MAGI2: variants seen among roughly 807,000 people sequenced by gnomAD.
The protein encoded by MAGI2 is membrane associated guanylate kinase, WW and PDZ domain containing 2.
Under a neutral mutation model 133.3 loss-of-function variants are expected in MAGI2, and 35 were observed. The ratio of observed to expected loss-of-function variants is 0.26; its 90% CI spans 0.20 to 0.35. MAGI2 has a LOEUF of 0.35. Among genes scored for constraint, MAGI2 ranks in the 10% least tolerant of loss-of-function variants. The pLI is 1.00. For synonymous variants in MAGI2, 729 were observed against 710.6 expected, an observed-to-expected ratio of 1.03 and a Z score of -0.41; for missense variants, 1,636 against 1,863.4, an observed-to-expected ratio of 0.88 and a Z score of 2.25.
At chr7:78,863,345 G>A (rs1004523059) in intron 2 of MAGI2, among the ~76,000 whole-genome samples, 1 of 152,164 alleles carries the variant, frequency 6.6e-6, no homozygotes, top group Admixed American at 6.5e-5. Context: ...TTGTGCATCT[G>A]GTGAAAGCCT....
rs963061165 is a variant in MAGI2, at chr7:78,647,809, T to C, written c.419-20570A>G. The stretch of plus-strand genomic sequence containing the variant: ...GGCCCATATACACCATGGAATACTA[T>C]GCAGCCATAAAAAAGGATGAGTTCA... On this transcript the variant is annotated intron_variant, in intron 2 of 21. Coordinates refer to ENST00000354212, the MANE Select transcript of MAGI2 (RefSeq NM_012301.4). 2.0e-5 allele frequency among the ~76,000 whole-genome samples: 3 copies of C among 152,266 alleles called. No individual in the cohort carries two copies. In the East Asian group the frequency reaches 5.8e-4, roughly 29 times the overall value.
intron 1 of MAGI2, among the ~76,000 whole-genome samples, chr7:79,241,680 C>A (rs1585301777): frequency 6.6e-6 from 1 of 152,172 alleles, no homozygotes; most frequent in Non-Finnish European, 1.5e-5. Context: ...ATGGGAGGTG[C>A]CTTTCATAGC....
At chr7:78,534,771 G>A (rs546485994) in intron 3 of MAGI2, among the ~76,000 whole-genome samples, 25 of 152,258 alleles carry the variant, frequency 1.6e-4, no homozygotes, top group Non-Finnish European at 7.4e-5. Context: ...TTCTGATAGT[G>A]GGGGAGCAAG....
intron 18 of MAGI2, among the ~76,000 whole-genome samples, chr7:78,129,371 T>C (rs1283939514): frequency 6.6e-6 from 1 of 152,178 alleles, no homozygotes; most frequent in African/African-American, 2.4e-5. Flanking sequence ...AAGTGAATAA[T>C]ATACCAGCTA....
At chr7:78,450,032 T>C (rs181053513) in intron 6 of MAGI2, among the ~76,000 whole-genome samples, 2 of 152,218 alleles carry the variant, frequency 1.3e-5, no homozygotes. Flanking sequence ...ATTTGATTCA[T>C]TCAGGACAAT....
intron 1 of MAGI2, among the ~76,000 whole-genome samples, chr7:79,041,840 C>G (rs1339510149): frequency 6.6e-6 from 1 of 151,894 alleles, no homozygotes; most frequent in East Asian, 1.9e-4. Flanking sequence ...AATATTATAC[C>G]ATGGACAAAT....
chr7:79,008,931 G>C (rs1032922693), intron 1 of MAGI2: 18 of 151,956 alleles, frequency 1.2e-4, no homozygotes, highest in African/African-American at 4.1e-4. Context: ...TACTGAGTAA[G>C]CATCATGCCT....
chr7:78,645,262 C>G (rs1315917564), intron 2 of MAGI2, among the ~76,000 whole-genome samples: 2 of 152,078 alleles, frequency 1.3e-5, no homozygotes, highest in Non-Finnish European at 1.5e-5. Flanking sequence ...TATACAAATT[C>G]TTTCAGAAAT....
intron 3 of MAGI2, among the ~76,000 whole-genome samples, chr7:78,563,625 C>T (rs1800635758): frequency 6.6e-6 from 1 of 152,216 alleles, no homozygotes; most frequent in Admixed American, 6.5e-5. Flanking sequence ...TGGCAGATGA[C>T]TTTTCTAAGA....
At chr7:78,669,167 C>T (rs1329443288) in intron 2 of MAGI2, among the ~76,000 whole-genome samples, 1 of 151,804 alleles carries the variant, frequency 6.6e-6, no homozygotes, top group East Asian at 1.9e-4. Flanking sequence ...AATTGATAGA[C>T]CGATAGCAAG....
At chr7:78,210,786 T>C (rs932491226) in intron 10 of MAGI2, among the ~76,000 whole-genome samples, 1 of 152,148 alleles carries the variant, frequency 6.6e-6, no homozygotes, top group Non-Finnish European at 1.5e-5. Flanking sequence ...CTTCAAGAAG[T>C]AGTAGATGTA....
At chr7:78,526,258 G>C (rs900434367) in intron 3 of MAGI2, among the ~76,000 whole-genome samples, 1 of 152,150 alleles carries the variant, frequency 6.6e-6, no homozygotes, top group African/African-American at 2.4e-5. Context: ...GAACACAAAT[G>C]CATCAGTTTC....
At chr7:78,068,877 C>T (rs1333930669) in intron 21 of MAGI2, among the ~76,000 whole-genome samples, 1 of 152,182 alleles carries the variant, frequency 6.6e-6, no homozygotes, top group Non-Finnish European at 1.5e-5. Flanking sequence ...TTAAGATCAA[C>T]ATCTTTTCTG....
At chr7:78,961,062 CA>C (rs1238779134) in intron 2 of MAGI2, among the ~76,000 whole-genome samples, 3 of 152,204 alleles carry the variant, frequency 2.0e-5, no homozygotes, top group African/African-American at 7.2e-5. Flanking sequence ...GCATTTATTT[CA>C]GGCCTTAGCT....
At chr7:78,472,716 A>G (rs1450129671) in intron 6 of MAGI2, among the ~76,000 whole-genome samples, 1 of 152,152 alleles carries the variant, frequency 6.6e-6, no homozygotes, top group Non-Finnish European at 1.5e-5. Context: ...GCATTCCTCT[A>G]AGCATGAATT....
intron 16 of MAGI2, among the ~76,000 whole-genome samples, chr7:78,136,252 T>C (rs1039213687): frequency 6.6e-6 from 1 of 152,102 alleles, no homozygotes; most frequent in Non-Finnish European, 1.5e-5. Context: ...CCCGAGTAGC[T>C]GGGACTACAG....
At chr7:78,961,933 T>C (rs567878139) in intron 2 of MAGI2, among the ~76,000 whole-genome samples, 2 of 152,228 alleles carry the variant, frequency 1.3e-5, no homozygotes, top group South Asian at 4.2e-4. Flanking sequence ...TATAGCCTAT[T>C]GCTCCCAGGC....
chr7:79,207,772 C>G (rs1310055930), intron 1 of MAGI2, among the ~76,000 whole-genome samples: 1 of 151,968 alleles, frequency 6.6e-6, no homozygotes, highest in Non-Finnish European at 1.5e-5. Flanking sequence ...AGGCATCACA[C>G]TTCTTGACTT....
chr7:79,175,158 C>T (rs1825981214), intron 1 of MAGI2, among the ~76,000 whole-genome samples: 1 of 151,730 alleles, frequency 6.6e-6, no homozygotes, highest in African/African-American at 2.4e-5. Flanking sequence ...ATAGAGAAAA[C>T]AATCTATAAA....
Sources: gnomAD v4.1 joint callset for allele counts (sites outside exome capture counted in the v4.1 genomes callset) on GRCh38, gnomAD v4.1.1 for gene constraint, MANE v1.5 for transcripts, NCBI Gene and HGNC (gene_info 2026-07-23, HGNC 2026-07-21) for gene names.